The following RBM27 variants were observed in gnomAD, a reference collection of about 807,000 sequenced individuals.
RBM27 encodes RNA binding motif protein 27.
RBM27 carries 22 observed loss-of-function variants against 135.3 expected under a neutral mutation model. The observed-to-expected ratio is 0.16, with a 90% CI of 0.12 to 0.23. RBM27 has a LOEUF of 0.23. Ranked by LOEUF, RBM27 falls within the 10% of genes least tolerant of loss-of-function variation. RBM27 has a pLI of 1.00. For missense variants in RBM27, 1,009 were observed against 1,281.0 expected (o/e 0.79, Z 3.24); for synonymous variants, 481 against 442.4 (o/e 1.09, Z -1.10).
At chr5:146,246,131 C>G (rs1312163476) in intron 8 of RBM27, among the ~76,000 whole-genome samples, 1 of 152,112 alleles carries the variant, frequency 6.6e-6, no homozygotes, top group Non-Finnish European at 1.5e-5. Context: ...CTCAAGTGTA[C>G]CAGGTACCTT....
intron 3 of RBM27, among the ~76,000 whole-genome samples, chr5:146,226,728 T>A (rs1345574270): frequency 6.6e-6 from 1 of 152,178 alleles, no homozygotes; most frequent in Non-Finnish European, 1.5e-5. Context: ...AAAACTGTTA[T>A]ACTATCTTGT....
intron 1 of RBM27, among the ~76,000 whole-genome samples, chr5:146,205,490 G>T (rs1755597519): frequency 6.6e-6 from 1 of 152,050 alleles, no homozygotes; most frequent in South Asian, 2.1e-4. Flanking sequence ...AACTTCTGGG[G>T]GACAGTGTCA....
intron 10 of RBM27, among the ~76,000 whole-genome samples, chr5:146,256,719 C>T (rs1236393809): frequency 6.6e-6 from 1 of 151,956 alleles, no homozygotes; most frequent in Non-Finnish European, 1.5e-5. Flanking sequence ...AACACTGAGG[C>T]TTAGAGAGGT....
rs1329815478 is a variant in RBM27 at position 146,287,481 on chromosome 5, A to G, written c.*1451A>G. On this transcript the variant is annotated 3_prime_UTR_variant, in exon 21 of 21. Transcript: ENST00000265271. The stretch of plus-strand genomic sequence containing the variant: ...CAAGGATATACACATCTGTGTTTTT[A>G]TATATGTGTGGTATGAAAATTTGAA... 1 of 152,100 alleles carries G rather than the reference A, an allele frequency of 6.6e-6. No homozygotes were observed. Among genetic ancestry groups the G allele is most frequent in the African/African-American group, 2.4e-5 (1 of 41,424 alleles). The allele number at this position is 152,100 out of a possible 1,614,324, so 9.4% of individuals were successfully genotyped here.
At chr5:146,219,307 A>G (rs1756340630) in intron 2 of RBM27, among the ~76,000 whole-genome samples, 1 of 152,068 alleles carries the variant, frequency 6.6e-6, no homozygotes, top group South Asian at 2.1e-4. Context: ...GCTTTCCTCT[A>G]TTGAGGCAAT....
rs901674337 is a variant in RBM27, at chr5:146,260,986, G to A, written c.1893+88G>A. ...CAGCTCACCTTGTTTAAATGAGTCA[G>A]TGGTTATTCTGATCATCTCTGCTAA... On this transcript the variant is annotated intron_variant, in intron 12 of 20. Coordinates refer to ENST00000265271, the MANE Select transcript of RBM27 (RefSeq NM_018989.2). 7 of 1,304,604 alleles carry A rather than the reference G, an allele frequency of 5.4e-6. No individual in the cohort carries two copies. The African/African-American group carries it at 7.4e-5, about 14-fold the overall frequency. 80.8% of individuals were successfully genotyped at this position (1,304,604 alleles called of 1,614,324 possible). A position where few individuals can be genotyped will look rare whatever the true frequency, so the allele number is the denominator to read the frequency against.
At chr5:146,256,461 C>G (rs1375819461) in intron 10 of RBM27, among the ~76,000 whole-genome samples, 1 of 151,220 alleles carries the variant, frequency 6.6e-6, no homozygotes, top group Non-Finnish European at 1.5e-5. Flanking sequence ...GCGATTCTCC[C>G]ACCTCAGCCT....
rs200437644 is a variant in RBM27, at chr5:146,271,616, C to T, written c.2930C>T (p.Ala977Val). ...ATGGTGGTGGACCATCGTCCCAAAG[C>T]ACTAACAGTTGGAGGATTCATTGAG... is the stretch of plus-strand genomic sequence containing the variant. ...NHMVVDHRPK[A>V]LTVGGFIEEE... The change falls in exon 19 of 21, where the codon GCA becomes GTA. Residue 977 changes from alanine (A) to valine (V), a missense_variant. Around this residue, in one of 6 missense-constraint regions of RBM27, gnomAD observed 355 missense variants for 427.3 expected, o/e 0.83. Coordinates refer to ENST00000265271, the MANE Select transcript of RBM27 (RefSeq NM_018989.2). 443 of 1,613,930 alleles carry T rather than the reference C, an allele frequency of 2.7e-4. No homozygotes were observed. The highest frequency in any genetic ancestry group is 3.5e-4 in the Non-Finnish European group (416 of 1,179,940).
At chr5:146,231,534 CTG>C (rs748518849) in intron 6 of RBM27, among the ~76,000 whole-genome samples, 210 of 152,070 alleles carry the variant, frequency 1.4e-3, no homozygotes, top group Non-Finnish European at 2.2e-3. Context: ...TTTGTTTTCA[CTG>C]TTATTTCAAA....
intron 8 of RBM27, among the ~76,000 whole-genome samples, chr5:146,247,528 C>CT (rs940937719): frequency 1.3e-5 from 2 of 151,402 alleles, no homozygotes; most frequent in African/African-American, 2.4e-5. Context: ...TCCTTTACTT[C>CT]TTTTTTTTTC....
intron 8 of RBM27, among the ~76,000 whole-genome samples, chr5:146,240,409 C>T (rs1373374398): frequency 6.6e-6 from 1 of 152,050 alleles, no homozygotes; most frequent in Non-Finnish European, 1.5e-5. Context: ...TTATTGCAAC[C>T]TCTGCCTCCC....
chr5:146,228,464 T>G (rs1756776801), intron 3 of RBM27, among the ~76,000 whole-genome samples: 1 of 151,940 alleles, frequency 6.6e-6, no homozygotes, highest in African/African-American at 2.4e-5. Flanking sequence ...GTATTTTTAG[T>G]CGAGACAGGG....
chr5:146,274,458 C>T, intron 19 of RBM27, among the ~76,000 whole-genome samples: 1 of 152,246 alleles, frequency 6.6e-6, no homozygotes, highest in East Asian at 1.9e-4. Context: ...TGGGGTTTTG[C>T]CATGTTGGCC....
At chr5:146,261,479 T>G (rs1758393012) in intron 12 of RBM27, 31 bp from the exon 13 acceptor site, 2 of 1,570,066 alleles carry the variant, frequency 1.3e-6, no homozygotes, top group Non-Finnish European at 1.7e-6. Context: ...TTTCTGTTTT[T>G]GGGAATTTAT....
chr5:146,283,203 G>A (rs1413774741), intron 19 of RBM27, among the ~76,000 whole-genome samples: 3 of 152,282 alleles, frequency 2.0e-5, no homozygotes, highest in South Asian at 2.1e-4. Flanking sequence ...ATAGAGTAAA[G>A]GGTAAAGGAT....
In RBM27 at chr5:146,273,369, T is replaced by C. The variant is rs6862114; in HGVS notation, c.2988+1695T>C. Among the ~76,000 whole-genome samples the C allele has an allele frequency of 2.5e-3, 381 of 152,312 alleles. 4 individuals carry two copies. Among genetic ancestry groups the C allele is most frequent in the African/African-American group, 8.8e-3 (367 of 41,584 alleles). The stretch of plus-strand genomic sequence containing the variant: ...AAAATAACCAATTTTTATGTACATA[T>C]ACCTGACAAGTCTGCAGTGTGGCAT... On this transcript the variant is annotated intron_variant, in intron 19 of 20. Transcript: ENST00000265271.
Position 146,233,698 on chromosome 5 carries a change from C to A in RBM27, c.1099C>A (p.Gln367Lys). ...CCATAGTATGAGACTTCCTGTTCCC[C>A]AAGGACATGGTCAGCCTCCACCATC... ...PGHSMRLPVPQGHGQPPPSVV... is the reference protein window; with the variant it reads ...PGHSMRLPVPKGHGQPPPSVV... The change falls in exon 7 of 21, where the codon CAA (glutamine) becomes AAA (lysine). Residue 367 changes from glutamine to lysine, a missense_variant. Around this residue, in one of 6 missense-constraint regions of RBM27, gnomAD observed 329 missense variants for 368.1 expected, o/e 0.89. Transcript: ENST00000265271. 2 of 1,496,704 alleles carry A rather than the reference C, an allele frequency of 1.3e-6. No homozygotes were observed. The highest frequency in any genetic ancestry group is 1.4e-5 in the South Asian group (1 of 72,106). 92.7% of individuals were successfully genotyped at this position (1,496,704 alleles called of 1,614,324 possible). A position where few individuals can be genotyped will look rare whatever the true frequency, so the allele number is the denominator to read the frequency against.
intron 1 of RBM27, among the ~76,000 whole-genome samples, chr5:146,214,546 T>G (rs529649460): frequency 6.6e-6 from 1 of 152,314 alleles, no homozygotes; most frequent in African/African-American, 2.4e-5. Flanking sequence ...GCATTGATAC[T>G]GTAGCTACAG....
intron 13 of RBM27, among the ~76,000 whole-genome samples, chr5:146,262,925 G>A (rs926358103): frequency 1.4e-5 from 2 of 141,704 alleles, no homozygotes; most frequent in Non-Finnish European, 1.5e-5. Context: ...CTGCTTTGTC[G>A]TCATTCAGGC....
Sources: gnomAD v4.1 joint callset for allele counts (sites outside exome capture counted in the v4.1 genomes callset) on GRCh38, gnomAD v4.1.1 for gene constraint, gnomAD v4.1.1 regional missense constraint, MANE v1.5 for transcripts, NCBI Gene and HGNC (gene_info 2026-07-23, HGNC 2026-07-21) for gene names.